U2AF2: variants seen among roughly 807,000 people sequenced by gnomAD.
The protein encoded by U2AF2 is splicing factor U2AF 65 kDa subunit.
In U2AF2, 6 loss-of-function variants were observed where a neutral mutation model predicts 52.6. That is an observed-to-expected ratio of 0.11 (90% CI 0.06 to 0.23). U2AF2 has a LOEUF of 0.23. Among genes scored for constraint, U2AF2 ranks in the 10% least tolerant of loss-of-function variants. U2AF2 has a pLI of 1.00. For missense variants in U2AF2, 222 were observed against 677.1 expected (o/e 0.33, Z 7.46); for synonymous variants, 284 against 258.2 (o/e 1.10, Z -0.96).
chr19:55,671,212 CAG>C (rs1487556481), intron 11 of U2AF2, among the ~76,000 whole-genome samples: 1 of 151,950 alleles, frequency 6.6e-6, no homozygotes, highest in African/African-American at 2.4e-5. Context: ...AAAGTAGTAG[CAG>C]GGGATGGAGA....
rs1206219509 is a variant in U2AF2 at position 55,668,476 on chromosome 19, GAA to G, written c.743-30_743-29del. The G allele has an allele frequency of 6.5e-7, 1 of 1,545,770 alleles. No individual in the cohort carries two copies. Among genetic ancestry groups the G allele is most frequent in the African/African-American group, 1.4e-5 (1 of 72,902 alleles). On this transcript the variant is annotated intron_variant, in intron 7 of 11. Transcript: ENST00000308924. The surrounding 1 kb of genome is among the most constrained non-coding windows in gnomAD (Gnocchi z 5.5). The stretch of plus-strand genomic sequence containing the variant: ...GGTTTTGGGAGATAACCTGGTACTG[GAA>G]TTGAAGTCCTCCTCTTCTCTACCCA...
chr19:55,670,642 A>G (rs1259928657), intron 11 of U2AF2: 18 of 245,360 alleles, frequency 7.3e-5, no homozygotes, highest in Non-Finnish European at 1.1e-4. Context: ...CAAGGTCAAG[A>G]GGTGGCAGTG....
At chr19:55,656,514 CTGAT>C (rs1047066022) in intron 1 of U2AF2, among the ~76,000 whole-genome samples, 6 of 152,110 alleles carry the variant, frequency 3.9e-5, no homozygotes, top group Admixed American at 2.0e-4. Flanking sequence ...CATTTGTAGA[CTGAT>C]TATTATTTTC....
At position 55,674,084 on chromosome 19, in the gene U2AF2, G is replaced by A; in HGVS notation, c.*16G>A. On this transcript the variant is annotated 3_prime_UTR_variant, in exon 12 of 12. Transcript: ENST00000308924. ...CTTCTGGTAGAGGCGGCTGGGGGAG[G>A]GTGGGGGCAGGGCTGGCTGGGGGCT... 6.3e-7 allele frequency: 1 copy of A among 1,596,088 alleles called. No homozygotes were observed. The highest frequency in any genetic ancestry group is 8.5e-7 in the Non-Finnish European group (1 of 1,170,830).
rs574274042 is a variant in U2AF2, at chr19:55,659,440, C to T, written c.185+95C>T. 13 of 1,343,314 alleles carry T rather than the reference C, an allele frequency of 9.7e-6. No homozygotes were observed. The South Asian group carries it at 2.3e-4, about 24-fold the overall frequency. The allele number at this position is 1,343,314 out of a possible 1,614,324, so 83.2% of individuals were successfully genotyped here. On this transcript the variant is annotated intron_variant, in intron 2 of 11. Coordinates refer to ENST00000308924, the MANE Select transcript of U2AF2 (RefSeq NM_007279.3). ...GGCCTGTGTGTGTCTGTGTCTGGGT[C>T]CGGGCCCTGTGTGGCTCGTTCGTTC...
At chr19:55,663,469 C>A in intron 6 of U2AF2, 137 bp from the exon 7 acceptor site, 1 of 1,349,794 alleles carries the variant, frequency 7.4e-7, no homozygotes, top group Non-Finnish European at 1.0e-6. Flanking sequence ...GTTGTACTCC[C>A]AGTGCCCAGC....
At chr19:55,655,292 T>A in intron 1 of U2AF2, 139 bp downstream of exon 1, 1 of 953,438 alleles carries the variant, frequency 1.0e-6, no homozygotes, top group Non-Finnish European at 1.5e-6. Flanking sequence ...GGCGCGCGCC[T>A]CGTTCACGTG....
At chr19:55,667,880 G>T (rs1280451093) in intron 7 of U2AF2, among the ~76,000 whole-genome samples, 2 of 151,930 alleles carry the variant, frequency 1.3e-5, no homozygotes, top group African/African-American at 4.8e-5. Flanking sequence ...CCGCCTCCTG[G>T]GTTCACGCCA....
chr19:55,664,739 A>T (rs1984433870), intron 7 of U2AF2, among the ~76,000 whole-genome samples: 1 of 152,036 alleles, frequency 6.6e-6, no homozygotes, highest in Non-Finnish European at 1.5e-5. Context: ...TGTTGTTTTG[A>T]GACAGTCTCG....
At chr19:55,663,539 C>T (rs983703894) in intron 6 of U2AF2, 67 bp from the exon 7 acceptor site, 27 of 1,551,608 alleles carry the variant, frequency 1.7e-5, no homozygotes, top group African/African-American at 6.9e-5. Flanking sequence ...AATCCCAATC[C>T]TGGAACACTA....
At chr19:55,662,942 G>A (rs1984310701) in intron 6 of U2AF2, among the ~76,000 whole-genome samples, 1 of 152,062 alleles carries the variant, frequency 6.6e-6, no homozygotes, top group South Asian at 2.1e-4. Flanking sequence ...TGCCTGCTTG[G>A]CTAGAGTTCT....
intron 7 of U2AF2, among the ~76,000 whole-genome samples, chr19:55,666,718 G>A (rs1480310011): frequency 6.6e-6 from 1 of 152,220 alleles, no homozygotes; most frequent in African/African-American, 2.4e-5. Context: ...TTGAACCCAA[G>A]GAGCCATGAA....
At chr19:55,656,722 TAAA>T (rs1983820004) in intron 1 of U2AF2, among the ~76,000 whole-genome samples, 2 of 152,168 alleles carry the variant, frequency 1.3e-5, no homozygotes, top group South Asian at 4.1e-4. Context: ...TCAGAAAAGT[TAAA>T]AACTTTCTCA....
chr19:55,672,814 T>G (rs1468600891), intron 11 of U2AF2, among the ~76,000 whole-genome samples: 1 of 151,848 alleles, frequency 6.6e-6, no homozygotes, highest in African/African-American at 2.4e-5. Flanking sequence ...GTTAATTTTT[T>G]TTGTATTTTT....
intron 1 of U2AF2, among the ~76,000 whole-genome samples, chr19:55,657,849 G>A (rs1009178561): frequency 1.3e-5 from 2 of 152,140 alleles, no homozygotes; most frequent in African/African-American, 2.4e-5. Context: ...TGGTAATTGT[G>A]ATCTCTCTAT....
intron 11 of U2AF2, among the ~76,000 whole-genome samples, chr19:55,673,684 T>G (rs545571969): frequency 6.6e-6 from 1 of 152,364 alleles, no homozygotes; most frequent in Admixed American, 6.5e-5. Flanking sequence ...ATGGCTCTGC[T>G]GAGTTTCTGG....
chr19:55,669,659 T>G lies in U2AF2; in HGVS notation c.1260T>G (p.Pro420=). Residue 420 remains proline, a synonymous_variant, in exon 11 of 12, where the codon CCT becomes CCG. Transcript: ENST00000308924. ...GLVKSIEIPR[P]VDGVEVPGCG... is the part of the protein sequence containing the mutation. ...TCAAGTCCATCGAGATCCCCCGGCC[T>G]GTGGACGGCGTCGAGGTGCCCGGCT... The G allele has an allele frequency of 1.9e-6, 3 of 1,611,588 alleles. No individual in the cohort carries two copies. The highest frequency in any genetic ancestry group is 2.2e-5 in the East Asian group (1 of 44,858).
intron 7 of U2AF2, among the ~76,000 whole-genome samples, chr19:55,664,364 G>A (rs933349257): frequency 3.3e-5 from 5 of 152,248 alleles, no homozygotes; most frequent in South Asian, 2.1e-4. Context: ...TGCTGAGGTT[G>A]GGCTTTCCTG....
Position 55,664,791 on chromosome 19 carries a change from T to C in U2AF2, c.742+1047T>C, listed in dbSNP as rs189577959. 7.2e-5 allele frequency among the ~76,000 whole-genome samples: 11 copies of C among 152,204 alleles called. No individual in the cohort carries two copies. The East Asian group carries it at 9.7e-4, about 13-fold the overall frequency. Reference sequence around the variant, plus strand: ...GGAATGCAGTGGCACGATCTCGGCTTACTGCATCCTCCGCCTCTAGGGTTC... The same window carrying C: ...GGAATGCAGTGGCACGATCTCGGCTCACTGCATCCTCCGCCTCTAGGGTTC... On this transcript the variant is annotated intron_variant, in intron 7 of 11. Coordinates refer to ENST00000308924, the MANE Select transcript of U2AF2 (RefSeq NM_007279.3).
Sources: allele counts gnomAD v4.1 joint callset (sites outside exome capture counted in the v4.1 genomes callset), GRCh38; gene constraint gnomAD v4.1.1; non-coding constraint Gnocchi (gnomAD v3.1); transcripts MANE v1.5; gene names NCBI Gene and HGNC (gene_info 2026-07-23, HGNC 2026-07-21).